The following TNRC6C variants were observed in gnomAD, a reference collection of about 807,000 sequenced individuals.
The protein encoded by TNRC6C is trinucleotide repeat-containing gene 6C protein.
TNRC6C carries 20 observed loss-of-function variants against 153.7 expected under a neutral mutation model. The observed-to-expected ratio is 0.13, with a 90% CI of 0.09 to 0.19. TNRC6C has a LOEUF of 0.19. Among genes scored for constraint, TNRC6C ranks in the 10% least tolerant of loss-of-function variants. The pLI is 1.00. For synonymous variants in TNRC6C, 811 were observed against 841.4 expected (o/e 0.96, Z 0.63); for missense variants, 1,987 against 2,172.0 (o/e 0.91, Z 1.69).
intron 4 of TNRC6C, 121 bp downstream of exon 6, chr17:78,065,058 A>C: frequency 8.3e-7 from 1 of 1,209,686 alleles, no homozygotes; most frequent in Non-Finnish European, 1.2e-6. Flanking sequence ...ACTACAAACC[A>C]AGAGTCTTGG....
intron 1 of TNRC6C, among the ~76,000 whole-genome samples, chr17:78,029,328 T>C (rs66787009): frequency 0.16 from 24,753 of 152,222 alleles, 3,629 homozygotes; most frequent in African/African-American, 0.4. Context: ...TACTCACCTA[T>C]GCCATGTGAT....
chr17:78,046,096 T>C (rs928667027), intron 2 of TNRC6C, among the ~76,000 whole-genome samples: 1 of 152,146 alleles, frequency 6.6e-6, no homozygotes, highest in Non-Finnish European at 1.5e-5. Context: ...TAATGGCTTA[T>C]GAGTTTTCTC....
At chr17:77,992,572 C>G (rs1473366666) in intron 1 of TNRC6C, among the ~76,000 whole-genome samples, 3 of 152,124 alleles carry the variant, frequency 2.0e-5, no homozygotes, top group Admixed American at 6.5e-5. Context: ...GCCTTGGCCC[C>G]CCAGATAATT....
chr17:78,025,721 A>G (rs886364124), intron 1 of TNRC6C, among the ~76,000 whole-genome samples: 3 of 152,222 alleles, frequency 2.0e-5, no homozygotes, highest in African/African-American at 7.2e-5. Context: ...TTTCTTTAAA[A>G]GATATAATGG....
rs944945141 is a variant in TNRC6C, at chr17:78,054,434, G to A, written c.2395+2977G>A. On this transcript the variant is annotated intron_variant, in intron 3 of 19. Coordinates refer to ENST00000301624, the Ensembl canonical transcript of TNRC6C. The stretch of plus-strand genomic sequence containing the variant: ...CTACTATACACCACTGCAGACTACT[G>A]TAAACCACTGCAGACTACTGTATAC... 5.4e-5 allele frequency among the ~76,000 whole-genome samples: 8 copies of A among 148,858 alleles called. No individual in the cohort carries two copies. The South Asian group carries it at 8.3e-4, about 15-fold the overall frequency.
rs754691309 is a variant in TNRC6C, at chr17:78,050,993, G to A, written c.1931G>A (p.Ser644Asn). The A allele has an allele frequency of 3.1e-6, 5 of 1,613,816 alleles. No homozygotes were observed. The South Asian group carries it at 5.5e-5, about 18-fold the overall frequency. ...TCTGGGAACAGTGGCTGGGGCAACA[G>A]CACAAATACAAAGGCCAATCCAGGT... Residue 644 changes from serine to asparagine, a missense_variant, in exon 3 of 20, where the codon AGC (serine) becomes AAC (asparagine). Ser to Asn is a conservative substitution (Grantham distance 46, BLOSUM62 1). Coordinates refer to ENST00000301624, the Ensembl canonical transcript of TNRC6C.
chr17:77,999,642 A>T (rs2071381502), upstream of TNRC6C, among the ~76,000 whole-genome samples: 1 of 152,176 alleles, frequency 6.6e-6, no homozygotes, highest in East Asian at 1.9e-4. Context: ...GTGCACATCC[A>T]TTGCATGGTT....
chr17:78,094,440 CT>C lies in TNRC6C; in HGVS notation c.4306+693del, dbSNP rs199858938. Among the ~76,000 whole-genome samples the C allele has an allele frequency of 3.3e-3, 454 of 136,868 alleles. 2 individuals carry two copies. Among genetic ancestry groups the C allele is most frequent in the African/African-American group, 5.1e-3 (191 of 37,674 alleles). The allele number at this position is 136,868 out of a possible 152,430, so 89.8% of individuals were successfully genotyped here. A position where few individuals can be genotyped will look rare whatever the true frequency, so the allele number is the denominator to read the frequency against. On this transcript the variant is annotated intron_variant, in intron 16 of 19. Coordinates refer to ENST00000301624, the Ensembl canonical transcript of TNRC6C. ...TGTTTTGTGTTTGCTTCTTTTGTTT[CT>C]TTTTTTTTTTTTTTTGAGACAGATT...
chr17:78,076,226 A>G (rs943898768), intron 8 of TNRC6C, among the ~76,000 whole-genome samples: 1 of 139,200 alleles, frequency 7.2e-6, no homozygotes, highest in African/African-American at 2.8e-5. Context: ...AAAAAAAAAA[A>G]GAAAAAGAAA....
intron 1 of TNRC6C, among the ~76,000 whole-genome samples, chr17:77,971,072 A>G (rs997122424): frequency 6.6e-6 from 1 of 152,232 alleles, no homozygotes; most frequent in Admixed American, 6.5e-5. Context: ...AACACGGGCA[A>G]TGTAAAGATG....
At chr17:78,025,512 A>G (rs986726091) in intron 1 of TNRC6C, among the ~76,000 whole-genome samples, 5 of 152,198 alleles carry the variant, frequency 3.3e-5, no homozygotes, top group Non-Finnish European at 7.3e-5. Context: ...GGTTGCTTCC[A>G]GTTTTTGACA....
upstream of TNRC6C, chr17:78,004,192 G>C (rs1220009347): frequency 5.7e-6 from 7 of 1,231,408 alleles, no homozygotes; most frequent in African/African-American, 6.2e-5. Flanking sequence ...AGAAACACAA[G>C]AAGAGGAACG....
chr17:77,976,264 C>A (rs2070996314), intron 1 of TNRC6C, among the ~76,000 whole-genome samples: 2 of 152,136 alleles, frequency 1.3e-5, no homozygotes, highest in African/African-American at 4.8e-5. Context: ...TTAACCCTAT[C>A]ATAGACATGA....
At chr17:78,097,836 C>G in intron 16 of TNRC6C, 1 of 1,550,050 alleles carries the variant, frequency 6.5e-7, no homozygotes, top group Non-Finnish European at 8.7e-7. Context: ...CTTTCAGCAG[C>G]ATTGCATCCG....
chr17:78,080,933 A>C (rs116881664), intron 10 of TNRC6C, among the ~76,000 whole-genome samples: 3 of 152,284 alleles, frequency 2.0e-5, no homozygotes, highest in Middle Eastern at 3.4e-3. Flanking sequence ...TTTAATTTAA[A>C]TGTGTTTAGT....
At chr17:78,066,258 A>G (rs1024565962) in intron 4 of TNRC6C, 2 of 151,894 alleles carry the variant, frequency 1.3e-5, no homozygotes, top group Non-Finnish European at 2.9e-5. Flanking sequence ...TTGTTCACAT[A>G]ACTGCAGAAG....
chr17:78,039,309 G>GCCCCCCCCCCCCCCCCC (rs11306576), intron 2 of TNRC6C, among the ~76,000 whole-genome samples: 3 of 113,464 alleles, frequency 2.6e-5, no homozygotes, highest in African/African-American at 1.1e-4. Flanking sequence ...TTCAAATCTT[G>GCCCCCCCCCCCCCCCCC]CCCCCCCCCC....
At chr17:78,058,004 A>G (rs570004739) in intron 3 of TNRC6C, among the ~76,000 whole-genome samples, 2 of 152,262 alleles carry the variant, frequency 1.3e-5, no homozygotes, top group South Asian at 4.1e-4. Flanking sequence ...CATTCTGGAG[A>G]TAAAACAACA....
At chr17:78,002,621 G>C (rs553742299), upstream of TNRC6C, among the ~76,000 whole-genome samples, 2 of 152,284 alleles carry the variant, frequency 1.3e-5, no homozygotes, top group East Asian at 3.9e-4. Context: ...GGCTGGGTGT[G>C]GTGGCCCACA....
Sources: allele counts gnomAD v4.1 joint callset (sites outside exome capture counted in the v4.1 genomes callset), GRCh38; gene constraint gnomAD v4.1.1; transcripts MANE v1.5; gene names NCBI Gene and HGNC (gene_info 2026-07-23, HGNC 2026-07-21).